CHN1: variants seen among roughly 807,000 people sequenced by gnomAD.
The protein encoded by CHN1 is chimerin 1, also known as N-chimaerin.
Under a neutral mutation model 59.5 loss-of-function variants are expected in CHN1, and 37 were observed. That is an observed-to-expected ratio of 0.62 (90% CI 0.48 to 0.82). CHN1 has a LOEUF of 0.82. Among genes scored for constraint, CHN1 ranks in the 40% least tolerant of loss-of-function variants. The probability of loss-of-function intolerance (pLI) is 0.00; values close to 1 mark genes in which losing one functional copy is unlikely to be tolerated. For synonymous variants in CHN1, 206 were observed against 200.4 expected (o/e 1.03, Z -0.24); for missense variants, 469 against 571.0 (o/e 0.82, Z 1.82).
At chr2:174,898,095 T>C (rs1198614711) in intron 5 of CHN1, among the ~76,000 whole-genome samples, 1 of 152,252 alleles carries the variant, frequency 6.6e-6, no homozygotes, top group East Asian at 1.9e-4. Flanking sequence ...CCAAATGGTA[T>C]CTTCACCCCT....
intron 1 of CHN1, among the ~76,000 whole-genome samples, chr2:174,975,188 T>C (rs1283119300): frequency 6.6e-6 from 1 of 152,174 alleles, no homozygotes; most frequent in Non-Finnish European, 1.5e-5. Flanking sequence ...TAAAAATATG[T>C]ATTTATAGTA....
At chr2:174,932,509 G>A (rs549403874) in intron 3 of CHN1, among the ~76,000 whole-genome samples, 1 of 152,312 alleles carries the variant, frequency 6.6e-6, no homozygotes, top group East Asian at 1.9e-4. Flanking sequence ...ATTTTGCCGA[G>A]TATCTCACAG....
intron 6 of CHN1, among the ~76,000 whole-genome samples, chr2:174,876,589 C>T (rs1255131066): frequency 6.6e-6 from 1 of 152,150 alleles, no homozygotes; most frequent in Non-Finnish European, 1.5e-5. Flanking sequence ...AATTTTTATA[C>T]ATTTTCTACA....
intron 2 of CHN1, among the ~76,000 whole-genome samples, chr2:174,951,897 C>A (rs1046870801): frequency 3.3e-5 from 5 of 152,158 alleles, no homozygotes; most frequent in Admixed American, 3.3e-4. Flanking sequence ...TCATTAGCCA[C>A]TCTGAACAAG....
chr2:174,830,204 G>C (rs1374883408), intron 7 of CHN1, among the ~76,000 whole-genome samples: 1 of 151,874 alleles, frequency 6.6e-6, no homozygotes, highest in Non-Finnish European at 1.5e-5. Flanking sequence ...CTGCACTCCA[G>C]CCTGGGCTAC....
At chr2:174,977,370 CTAA>C (rs1300950442) in intron 1 of CHN1, among the ~76,000 whole-genome samples, 6 of 152,110 alleles carry the variant, frequency 3.9e-5, no homozygotes, top group Non-Finnish European at 5.9e-5. Context: ...CCTGATTTGT[CTAA>C]TAATTAGAAA....
intron 1 of CHN1, among the ~76,000 whole-genome samples, chr2:174,994,124 G>T (rs1691631867): frequency 6.6e-6 from 1 of 152,152 alleles, no homozygotes. Context: ...ATGAACAATA[G>T]TTTAATGAAG....
intron 7 of CHN1, among the ~76,000 whole-genome samples, chr2:174,825,944 A>G (rs1574060262): frequency 6.6e-6 from 1 of 152,250 alleles, no homozygotes; most frequent in Non-Finnish European, 1.5e-5. Flanking sequence ...TTAAAATGGA[A>G]AATAAAATAT....
intron 6 of CHN1, among the ~76,000 whole-genome samples, chr2:174,854,229 T>C (rs1430283144): frequency 6.6e-6 from 1 of 152,074 alleles, no homozygotes; most frequent in Non-Finnish European, 1.5e-5. Context: ...TCAATTTTAC[T>C]CAGTGCCAAA....
rs1310211155 is a variant in CHN1, at chr2:174,933,199, T to C, written c.114+11689A>G. Among the ~76,000 whole-genome samples the C allele has an allele frequency of 2.6e-5, 4 of 152,086 alleles. No homozygotes were observed. In the East Asian group the frequency reaches 7.7e-4, roughly 29 times the overall value. ...ATATGTGTGTATATATATAGGTATATAGGAGTTTGGGAGAAAGGACTGGAC... is the reference window on the plus strand; with the variant it reads ...ATATGTGTGTATATATATAGGTATACAGGAGTTTGGGAGAAAGGACTGGAC... On this transcript the variant is annotated intron_variant, in intron 3 of 12. Coordinates refer to ENST00000409900, the MANE Select transcript of CHN1 (RefSeq NM_001822.7).
rs116114032 is a variant in CHN1 at position 174,892,100 on chromosome 2, C to T, written c.261-13972G>A. Among the ~76,000 whole-genome samples, 676 of 152,238 alleles carry T rather than the reference C, an allele frequency of 4.4e-3. 6 individuals carry two copies. Among genetic ancestry groups the T allele is most frequent in the African/African-American group, 0.015 (636 of 41,542 alleles). ...GTAACTAGCAAGGACATCGAATCAG[C>T]AGTCAACAGCTTCCCAATAAAGAAA... On this transcript the variant is annotated intron_variant, in intron 5 of 12. Transcript: ENST00000409900.
chr2:174,897,509 G>A (rs931006675), intron 5 of CHN1, among the ~76,000 whole-genome samples: 9 of 120,040 alleles, frequency 7.5e-5, no homozygotes, highest in Non-Finnish European at 1.2e-4. Context: ...CTATTGGCAG[G>A]ATAGTTAAAA....
intron 7 of CHN1, chr2:174,846,266 G>C: frequency 1.3e-6 from 2 of 1,524,308 alleles, no homozygotes; most frequent in Non-Finnish European, 8.8e-7. Context: ...TTCAAGTACA[G>C]TTGATAAACC....
intron 5 of CHN1, among the ~76,000 whole-genome samples, chr2:174,912,156 C>T (rs1369887860): frequency 2.0e-5 from 3 of 151,984 alleles, no homozygotes; most frequent in Non-Finnish European, 4.4e-5. Flanking sequence ...AAAGGTATGG[C>T]TCCAAAACAC....
chr2:174,878,176 G>T, intron 5 of CHN1, 48 bp from the exon 6 acceptor site: 1 of 1,436,950 alleles, frequency 7.0e-7, no homozygotes, highest in Non-Finnish European at 9.3e-7. Context: ...GTAAGCAACT[G>T]AATTCTTTCT....
intron 1 of CHN1, among the ~76,000 whole-genome samples, chr2:174,987,406 C>CTT (rs893724969): frequency 5.0e-5 from 7 of 140,786 alleles, no homozygotes; most frequent in Admixed American, 7.1e-5. Flanking sequence ...ACTCTTTTTT[C>CTT]TTTTTTTTTT....
chr2:174,981,849 G>C (rs1418724218), intron 1 of CHN1, among the ~76,000 whole-genome samples: 3 of 152,068 alleles, frequency 2.0e-5, no homozygotes, highest in Non-Finnish European at 4.4e-5. Context: ...ACAACGTGCA[G>C]GTTTGTTACA....
intron 3 of CHN1, among the ~76,000 whole-genome samples, chr2:174,927,323 G>A (rs1002605799): frequency 2.6e-5 from 4 of 151,928 alleles, no homozygotes; most frequent in Non-Finnish European, 4.4e-5. Context: ...CTCCCAAAGC[G>A]TTATGATTAC....
rs577881986 is a variant in CHN1 at position 174,924,249 on chromosome 2, TG to T, written c.115-5685del. Among the ~76,000 whole-genome samples, 296 of 152,320 alleles carry T rather than the reference TG, an allele frequency of 1.9e-3. 1 individual carries two copies. Among genetic ancestry groups the T allele is most frequent in the African/African-American group, 6.7e-3 (279 of 41,572 alleles). Reference sequence around the variant, plus strand: ...ACCATACTAGGAAGAGGAAACCAACTGCAGAGACAATTCTTATCTCCTGAGA... The same window carrying T: ...ACCATACTAGGAAGAGGAAACCAACTCAGAGACAATTCTTATCTCCTGAGA... On this transcript the variant is annotated intron_variant, in intron 3 of 12. Coordinates refer to ENST00000409900, the MANE Select transcript of CHN1 (RefSeq NM_001822.7).
Sources: gnomAD v4.1 joint callset for allele counts (sites outside exome capture counted in the v4.1 genomes callset) on GRCh38, gnomAD v4.1.1 for gene constraint, MANE v1.5 for transcripts, NCBI Gene and HGNC (gene_info 2026-07-23, HGNC 2026-07-21) for gene names.